SLC25A26: variants seen among roughly 807,000 people sequenced by gnomAD.
SLC25A26 encodes solute carrier family 25 member 26, also known as mitochondrial S-adenosylmethionine carrier protein.
Under a neutral mutation model 37.8 loss-of-function variants are expected in SLC25A26, and 36 were observed. The observed-to-expected ratio is 0.95, with a 90% CI of 0.73 to 1.26. The LOEUF (loss-of-function observed/expected upper bound fraction) is 1.26. SLC25A26 is among the 50% of genes most tolerant of loss of function. The probability of loss-of-function intolerance (pLI) is 0.00; values close to 1 mark genes in which losing one functional copy is unlikely to be tolerated. For missense variants in SLC25A26, 390 were observed against 331.1 expected (o/e 1.18, Z -1.38); for synonymous variants, 129 against 122.5 (o/e 1.05, Z -0.35).
At chr3:66,295,488 G>A (rs1007324010) in intron 5 of SLC25A26, among the ~76,000 whole-genome samples, 3 of 147,512 alleles carry the variant, frequency 2.0e-5, no homozygotes, top group South Asian at 2.2e-4. Flanking sequence ...TGCAAGCTCC[G>A]CCTCCCGGGT....
chr3:66,269,712 T>A (rs2073888681), intron 5 of SLC25A26, among the ~76,000 whole-genome samples: 1 of 152,164 alleles, frequency 6.6e-6, no homozygotes, highest in African/African-American at 2.4e-5. Flanking sequence ...TTATCATGAT[T>A]GTAAAAGAGA....
At chr3:66,254,451 TG>T (rs1266410468) in intron 3 of SLC25A26, among the ~76,000 whole-genome samples, 1 of 152,254 alleles carries the variant, frequency 6.6e-6, no homozygotes, top group Admixed American at 6.5e-5. Context: ...TTTGCCACTT[TG>T]AGTTTGCTCT....
chr3:66,246,884 C>T (rs1228056190), intron 3 of SLC25A26, among the ~76,000 whole-genome samples: 3 of 152,170 alleles, frequency 2.0e-5, no homozygotes, highest in African/African-American at 4.8e-5. Context: ...TTGTTTAAGA[C>T]GGAGTCTTGC....
intron 6 of SLC25A26, among the ~76,000 whole-genome samples, chr3:66,358,219 A>G (rs1381708341): frequency 1.3e-5 from 2 of 152,206 alleles, no homozygotes; most frequent in Non-Finnish European, 2.9e-5. Context: ...TAATTTCAAA[A>G]TATTTCCATA....
At chr3:66,327,206 A>G (rs867306329) in intron 5 of SLC25A26, among the ~76,000 whole-genome samples, 2 of 152,186 alleles carry the variant, frequency 1.3e-5, no homozygotes, top group Non-Finnish European at 2.9e-5. Flanking sequence ...GAGTTGCTCC[A>G]TTCCAACTTG....
At chr3:66,167,716 C>A (rs1416022767) in intron 1 of SLC25A26, among the ~76,000 whole-genome samples, 1 of 152,182 alleles carries the variant, frequency 6.6e-6, no homozygotes, top group East Asian at 1.9e-4. Context: ...TTCTGTCCTG[C>A]AGGCTTAATG....
In SLC25A26 at chr3:66,236,529, CT is replaced by C. The variant is rs782197533; in HGVS notation, c.34-6del. 140 of 1,381,476 alleles carry C rather than the reference CT, an allele frequency of 1.0e-4. No homozygotes were observed. Among genetic ancestry groups the C allele is most frequent in the South Asian group, 4.2e-4 (26 of 62,466 alleles). The allele number at this position is 1,381,476 out of a possible 1,614,324, so 85.6% of individuals were successfully genotyped here. On this transcript the variant is annotated splice_polypyrimidine_tract_variant and intron_variant, in intron 1 of 9. Coordinates refer to ENST00000354883, the MANE Select transcript of SLC25A26 (RefSeq NM_001379210.1). ...CCTTTTTTTTTTCTTTTTCTTCCCT[CT>C]TTTTTTTTCAAAGGCTGGTGGGGTA...
chr3:66,343,169 G>A (rs1340341323), intron 5 of SLC25A26, among the ~76,000 whole-genome samples: 1 of 152,202 alleles, frequency 6.6e-6, no homozygotes, highest in African/African-American at 2.4e-5. Context: ...TTCTGTAGAC[G>A]TTGGGAAAAG....
At chr3:66,376,532 A>G (rs1184841142) in intron 9 of SLC25A26, among the ~76,000 whole-genome samples, 1 of 152,226 alleles carries the variant, frequency 6.6e-6, no homozygotes, top group Admixed American at 6.5e-5. Context: ...GATGCTCATG[A>G]GCATTTTTTA....
intron 5 of SLC25A26, among the ~76,000 whole-genome samples, chr3:66,302,103 C>T (rs973436588): frequency 5.9e-5 from 9 of 152,214 alleles, no homozygotes; most frequent in African/African-American, 2.2e-4. Flanking sequence ...CATCCAAGGC[C>T]TATCACTTAG....
At chr3:66,248,326 T>C (rs1161187310) in intron 3 of SLC25A26, among the ~76,000 whole-genome samples, 1 of 152,230 alleles carries the variant, frequency 6.6e-6, no homozygotes, top group African/African-American at 2.4e-5. Context: ...TTGTGCCGTT[T>C]TTATTAGGAA....
rs74416213 is a variant in SLC25A26, at chr3:66,138,444, C to G, written c.-354+4460C>G. On this transcript the variant is annotated intron_variant, in intron 1 of 10. Transcript: ENST00000676754. ...AGATCCTAGTACACATGCAATTTTG[C>G]AACCTGTTATTTTCTCCTAAGGTTA... Among the ~76,000 whole-genome samples, 460 of 152,156 alleles carry G rather than the reference C, an allele frequency of 3.0e-3. 9 individuals are homozygous for G. In the East Asian group the frequency reaches 0.056, roughly 19 times the overall value.
rs1553656026 is a variant in SLC25A26 at position 66,209,067 on chromosome 3, C to CACAT, written c.-353-11672_-353-11671insTACA. On this transcript the variant is annotated intron_variant, in intron 1 of 10. Transcript: ENST00000676754. ...ATATATATATATATATATATATATA[C>CACAT]ACACACACACCCATATAAAGATGTA... 1.7e-3 allele frequency among the ~76,000 whole-genome samples: 77 copies of CACAT among 44,560 alleles called. 4 individuals carry two copies. Among genetic ancestry groups the CACAT allele is most frequent in the Middle Eastern group, 0.048 (2 of 42 alleles). The allele number at this position is 44,560 out of a possible 152,430, so 29.2% of individuals were successfully genotyped here.
chr3:66,266,134 A>T (rs2073739204), intron 5 of SLC25A26, among the ~76,000 whole-genome samples: 1 of 150,568 alleles, frequency 6.6e-6, no homozygotes, highest in Non-Finnish European at 1.5e-5. Flanking sequence ...TTTGTTGGAG[A>T]TTTAATTGAG....
intron 1 of SLC25A26, among the ~76,000 whole-genome samples, chr3:66,162,657 G>T (rs2070376294): frequency 6.6e-6 from 1 of 152,118 alleles, no homozygotes; most frequent in Admixed American, 6.6e-5. Context: ...AGGAATTTTA[G>T]GCAAGAGGAT....
chr3:66,208,870 G>GTATATATATATATA (rs1553655942), intron 1 of SLC25A26, among the ~76,000 whole-genome samples: 2 of 55,902 alleles, frequency 3.6e-5, no homozygotes, highest in Middle Eastern at 0.056. Context: ...ATGGGTGTGT[G>GTATATATATATATA]TATATATATA....
intron 1 of SLC25A26, among the ~76,000 whole-genome samples, chr3:66,232,473 A>G (rs949495235): frequency 2.0e-5 from 3 of 152,260 alleles, no homozygotes; most frequent in Non-Finnish European, 4.4e-5. Flanking sequence ...CTGGAAACAT[A>G]TTAGTAAACA....
At chr3:66,313,191 A>C (rs551468826) in intron 5 of SLC25A26, among the ~76,000 whole-genome samples, 1 of 152,210 alleles carries the variant, frequency 6.6e-6, no homozygotes, top group African/African-American at 2.4e-5. Flanking sequence ...TTTGTGATGA[A>C]ACTTTTGCCT....
chr3:66,151,068 T>C (rs1024743209), intron 1 of SLC25A26, among the ~76,000 whole-genome samples: 2 of 152,092 alleles, frequency 1.3e-5, no homozygotes, highest in Admixed American at 1.3e-4. Flanking sequence ...AAGCTGAGCC[T>C]CACTAAAGTT....
Sources: gnomAD v4.1 joint callset for allele counts (sites outside exome capture counted in the v4.1 genomes callset) on GRCh38, gnomAD v4.1.1 for gene constraint, MANE v1.5 for transcripts, NCBI Gene and HGNC (gene_info 2026-07-23, HGNC 2026-07-21) for gene names.